The following SGCG variants were observed in gnomAD, a reference collection of about 807,000 sequenced individuals.
The protein encoded by SGCG is gamma-sarcoglycan.
In SGCG, 26 loss-of-function variants were observed where a neutral mutation model predicts 29.3. That is an observed-to-expected ratio of 0.89 (90% CI 0.65 to 1.23). The LOEUF (loss-of-function observed/expected upper bound fraction) is 1.23. Among genes scored for constraint, SGCG ranks in the 50% most tolerant of loss-of-function variants. SGCG has a pLI of 0.00. For synonymous variants in SGCG, 145 were observed against 129.7 expected (o/e 1.12, Z -0.80); for missense variants, 353 against 356.0 (o/e 0.99, Z 0.07).
At chr13:23,276,435 T>TC (rs1180947868) in intron 4 of SGCG, among the ~76,000 whole-genome samples, 2 of 133,818 alleles carry the variant, frequency 1.5e-5, no homozygotes, top group Non-Finnish European at 3.3e-5. Context: ...AGTTTTCTTT[T>TC]TTTTTTTTTT....
chr13:23,194,030 A>T (rs113582716), intron 1 of SGCG, among the ~76,000 whole-genome samples: 15 of 152,344 alleles, frequency 9.8e-5, no homozygotes, highest in African/African-American at 3.4e-4. Context: ...AAATAAAATG[A>T]AGAGTGAAAT....
Position 23,282,282 on chromosome 13 carries a change from T to C in SGCG, c.505+2804T>C, listed in dbSNP as rs9550946. ...GTTTTGTCTCTATCCAAGGTCTGAC[T>C]CTCTAAACATTGTGTAGTGCAGGCT... is the stretch of plus-strand genomic sequence containing the variant. On this transcript the variant is annotated intron_variant, in intron 5 of 7. Transcript: ENST00000218867. Among the ~76,000 whole-genome samples, 2,431 of 152,314 alleles carry C rather than the reference T, an allele frequency of 0.016. 220 individuals are homozygous for C. The East Asian group carries it at 0.25, about 15-fold the overall frequency.
chr13:23,192,322 A>C (rs1275378226), intron 1 of SGCG, among the ~76,000 whole-genome samples: 1 of 152,088 alleles, frequency 6.6e-6, no homozygotes, highest in Non-Finnish European at 1.5e-5. Flanking sequence ...CCAGCTGTTC[A>C]TGGAGTTTCT....
intron 6 of SGCG, among the ~76,000 whole-genome samples, chr13:23,306,101 G>A (rs1346509514): frequency 6.6e-6 from 1 of 152,088 alleles, no homozygotes; most frequent in Non-Finnish European, 1.5e-5. Flanking sequence ...CCGGCCTCAA[G>A]TGATCCTCCC....
At chr13:23,197,830 C>T (rs755058367) in intron 1 of SGCG, among the ~76,000 whole-genome samples, 1 of 151,974 alleles carries the variant, frequency 6.6e-6, no homozygotes, top group Non-Finnish European at 1.5e-5. Flanking sequence ...TAACTGAAGA[C>T]AAGTTCAATT....
Position 23,204,705 on chromosome 13 carries a change from CCT to C in SGCG, c.195+817_195+818del, listed in dbSNP as rs1491388765. ...CTCCTCTTTCTCTCTTTCTTTCTTTCCTTTTTTTTTTTTTTTTTGAGACGGAG... is the reference window on the plus strand; with the variant it reads ...CTCCTCTTTCTCTCTTTCTTTCTTTCTTTTTTTTTTTTTTTTGAGACGGAG... On this transcript the variant is annotated intron_variant, in intron 2 of 7. Transcript: ENST00000218867. Among the ~76,000 whole-genome samples the C allele has an allele frequency of 2.8e-3, 399 of 140,914 alleles. 2 individuals are homozygous for C. Among genetic ancestry groups the C allele is most frequent in the African/African-American group, 0.01 (376 of 37,352 alleles). 92.4% of individuals were successfully genotyped at this position (140,914 alleles called of 152,430 possible).
intron 2 of SGCG, among the ~76,000 whole-genome samples, chr13:23,205,707 C>T (rs2137504477): frequency 6.6e-6 from 1 of 151,738 alleles, no homozygotes; most frequent in South Asian, 2.1e-4. Flanking sequence ...AGAAGGGCTT[C>T]CCACAGAGAT....
At chr13:23,173,492 T>G in the SGCG span, among the ~76,000 whole-genome samples, 5 of 152,200 alleles carry the variant, frequency 3.3e-5, no homozygotes, top group African/African-American at 1.2e-4. Context: ...CAACATACTT[T>G]CAAAGTTCCT....
intron 3 of SGCG, among the ~76,000 whole-genome samples, chr13:23,243,266 C>A (rs1486486258): frequency 6.6e-6 from 1 of 152,126 alleles, no homozygotes; most frequent in East Asian, 1.9e-4. Flanking sequence ...CATGTTAAGG[C>A]CAGAGTATCT....
chr13:23,297,236 T>TA lies in SGCG; in HGVS notation c.578+1749_578+1750insA, dbSNP rs1330247398. Among the ~76,000 whole-genome samples the TA allele has an allele frequency of 1.9e-4, 28 of 151,182 alleles. 1 individual carries two copies. Among genetic ancestry groups the TA allele is most frequent in the Admixed American group, 4.0e-4 (6 of 15,128 alleles). On this transcript the variant is annotated intron_variant, in intron 6 of 7. Coordinates refer to ENST00000218867, the MANE Select transcript of SGCG (RefSeq NM_000231.3). The stretch of plus-strand genomic sequence containing the variant: ...CAAACACAGACAATCTTTTATTTTT[T>TA]TTTTTTTTGAGATGGAATTTTGCTC...
chr13:23,255,421 T>C (rs1042775881), intron 4 of SGCG, among the ~76,000 whole-genome samples: 1 of 152,222 alleles, frequency 6.6e-6, no homozygotes. Context: ...CTTAGGACGT[T>C]GGACTTCATG....
chr13:23,251,364 A>G (rs1593198066), intron 4 of SGCG, among the ~76,000 whole-genome samples: 1 of 152,176 alleles, frequency 6.6e-6, no homozygotes. Context: ...CACCCATCCA[A>G]TCAACTAAGG....
At chr13:23,295,726 C>T (rs368914812) in intron 6 of SGCG, among the ~76,000 whole-genome samples, 2 of 152,190 alleles carry the variant, frequency 1.3e-5, no homozygotes, top group African/African-American at 4.8e-5. Flanking sequence ...CTCCTTCTTC[C>T]TCTCCAATCT....
chr13:23,264,414 G>A (rs892090927), intron 4 of SGCG, among the ~76,000 whole-genome samples: 3 of 151,902 alleles, frequency 2.0e-5, no homozygotes, highest in Non-Finnish European at 4.4e-5. Flanking sequence ...AAACATTGCT[G>A]AAAGAAATCA....
intron 4 of SGCG, among the ~76,000 whole-genome samples, chr13:23,263,481 A>G (rs981507443): frequency 3.9e-5 from 6 of 152,098 alleles, no homozygotes; most frequent in Non-Finnish European, 8.8e-5. Flanking sequence ...TTGAATCAGT[A>G]ATAGAAGAAA....
chr13:23,279,737 T>TCCTTCCTTCCTTCCTTCC (rs1566028875), intron 5 of SGCG, among the ~76,000 whole-genome samples: 1 of 151,704 alleles, frequency 6.6e-6, no homozygotes, highest in Non-Finnish European at 1.5e-5. Flanking sequence ...CTTCTTTTTT[T>TCCTTCCTTCCTTCCTTCC]TTTCTTTTTA....
chr13:23,321,071 G>T (rs1227270076), intron 7 of SGCG, among the ~76,000 whole-genome samples: 2 of 152,006 alleles, frequency 1.3e-5, no homozygotes, highest in African/African-American at 4.8e-5. Flanking sequence ...AGTTTACAGA[G>T]AATGTCCATT....
At chr13:23,274,845 A>G (rs145524120) in intron 4 of SGCG, among the ~76,000 whole-genome samples, 7 of 152,188 alleles carry the variant, frequency 4.6e-5, no homozygotes, top group African/African-American at 1.4e-4. Context: ...TTCCAATTTA[A>G]TAATGCTATG....
At chr13:23,163,927 T>C in the SGCG span, among the ~76,000 whole-genome samples, 1 of 152,190 alleles carries the variant, frequency 6.6e-6, no homozygotes, top group Non-Finnish European at 1.5e-5. Context: ...TGAAATTCCA[T>C]GGATTGTGTT....
Sources: allele counts gnomAD v4.1 joint callset (sites outside exome capture counted in the v4.1 genomes callset), GRCh38; gene constraint gnomAD v4.1.1; transcripts MANE v1.5; gene names NCBI Gene and HGNC (gene_info 2026-07-23, HGNC 2026-07-21).